HMGB3: variants seen among roughly 807,000 people sequenced by gnomAD.
HMGB3 encodes high mobility group box 3.
In HMGB3, 1 loss-of-function variant was observed where a neutral mutation model predicts 12.9. The ratio of observed to expected loss-of-function variants is 0.08; its 90% CI spans 0.03 to 0.37. The LOEUF (loss-of-function observed/expected upper bound fraction) is 0.37. Among genes scored for constraint, HMGB3 ranks in the 10% least tolerant of loss-of-function variants. HMGB3 has a pLI of 0.99. For synonymous variants in HMGB3, 61 were observed against 53.9 expected (o/e 1.13, Z -0.57); for missense variants, 74 against 153.3 (o/e 0.48, Z 2.73).
At chrX:150,985,534 C>T in intron 1 of HMGB3, 61 bp from the exon 2 acceptor site, 2 of 988,622 alleles carry the variant, frequency 2.0e-6, no homozygotes, top group Non-Finnish European at 2.7e-6. Context: ...ACGTCTTGTA[C>T]TTCTTGTCAA....
At chrX:150,984,538 G>GC in intron 1 of HMGB3, 1 of 682,933 alleles carries the variant, frequency 1.5e-6, no homozygotes, top group South Asian at 7.5e-5. Flanking sequence ...CACCGCCGCC[G>GC]CCCCCGGCCC....
intron 4 of HMGB3, 93 bp downstream of exon 4, chrX:150,987,395 A>G: frequency 1.3e-6 from 1 of 766,465 alleles, no homozygotes; most frequent in South Asian, 3.1e-5. Flanking sequence ...TGGGCTGAGT[A>G]CTTAGCATAG....
At chrX:150,987,387 G>T in intron 4 of HMGB3, 85 bp downstream of exon 4, 2 of 825,382 alleles carry the variant, frequency 2.4e-6, no homozygotes, top group Non-Finnish European at 3.4e-6. Flanking sequence ...AGCTTTGCTG[G>T]GCTGAGTACT....
intron 1 of HMGB3, among the ~76,000 whole-genome samples, chrX:150,983,792 C>T (rs1240347011): frequency 2.8e-5 from 3 of 106,146 alleles, no homozygotes; most frequent in Non-Finnish European, 5.9e-5. Flanking sequence ...GCGGCGGCAG[C>T]GGGAAGGGGG....
chrX:150,981,162 G>A (rs2047990434), upstream of HMGB3, among the ~76,000 whole-genome samples: 1 of 110,019 alleles, frequency 9.1e-6, no homozygotes, highest in South Asian at 3.9e-4. Context: ...GAGCAGGGAG[G>A]GGCTGTCTGT....
chrX:150,983,600 A>G, intron 1 of HMGB3: 1 of 750,949 alleles, frequency 1.3e-6, no homozygotes. Flanking sequence ...AGGTGTTTCA[A>G]CTTTTCCAAC....
At chrX:150,982,273 C>T (rs1413955389), upstream of HMGB3, among the ~76,000 whole-genome samples, 1 of 111,633 alleles carries the variant, frequency 9.0e-6, no homozygotes, top group African/African-American at 3.3e-5. Context: ...CCAGCAACAC[C>T]TGCCAGTCAT....
chrX:150,986,338 G>A, intron 3 of HMGB3, 148 bp downstream of exon 3: 1 of 433,485 alleles, frequency 2.3e-6, no homozygotes, highest in Non-Finnish European at 3.7e-6. Context: ...AAACCATTCT[G>A]TACTTGGGCT....
chrX:150,985,459 T>TA, intron 1 of HMGB3, 136 bp from the exon 2 acceptor site: 1 of 399,292 alleles, frequency 2.5e-6, no homozygotes, highest in Non-Finnish European at 4.2e-6. Flanking sequence ...GCCACTGGTG[T>TA]CCGGCATTGG....
chrX:150,981,645 A>G (rs2047993415), upstream of HMGB3, among the ~76,000 whole-genome samples: 1 of 109,885 alleles, frequency 9.1e-6, no homozygotes, highest in Non-Finnish European at 1.9e-5. Flanking sequence ...TTTAGTAGAG[A>G]CGGGGCTTCA....
At position 150,983,396 on chromosome X, in the gene HMGB3, C is replaced by T. The variant is rs1374139653; in HGVS notation, c.-6+20C>T. 8.2e-6 allele frequency: 6 copies of T among 735,293 alleles called. No individual in the cohort carries two copies. The African/African-American group carries it at 1.6e-4, about 20-fold the overall frequency. The allele number at this position is 735,293 out of a possible 1,213,427, so 60.6% of individuals were successfully genotyped here. On this transcript the variant is annotated intron_variant, in intron 1 of 4. Transcript: ENST00000325307. Reference sequence around the variant, plus strand: ...ATACAGGTACGTCTCGCACCGCCCGCTCCCGCCGCCGCCGCCGCCGCCGCC... The same window carrying T: ...ATACAGGTACGTCTCGCACCGCCCGTTCCCGCCGCCGCCGCCGCCGCCGCC...
rs1157682146 is a variant in HMGB3 at position 150,988,295 on chromosome X, T to C, written c.*381T>C. On this transcript the variant is annotated 3_prime_UTR_variant, in exon 5 of 5. Transcript: ENST00000325307. Reference sequence around the variant, plus strand: ...GTTATTGGCTAGAAATCCTGAGTTTTCAACTGTATATATCTATAGTTTGTA... The same window carrying C: ...GTTATTGGCTAGAAATCCTGAGTTTCCAACTGTATATATCTATAGTTTGTA... The C allele has an allele frequency of 7.5e-6, 1 of 133,474 alleles. No homozygotes were observed. Among genetic ancestry groups the C allele is most frequent in the Non-Finnish European group, 1.5e-5 (1 of 66,234 alleles). The allele number at this position is 133,474 out of a possible 1,213,427, so 11.0% of individuals were successfully genotyped here.
chrX:150,986,848 T>C (rs2048058690), intron 3 of HMGB3, among the ~76,000 whole-genome samples: 1 of 111,291 alleles, frequency 9.0e-6, no homozygotes, highest in Admixed American at 9.6e-5. Flanking sequence ...GGTTTCTCCA[T>C]GTTGGTCAGG....
At position 150,988,982 on chromosome X, in the gene HMGB3, G is replaced by A. The variant is rs1437431791; in HGVS notation, c.*1068G>A. 1 of 111,492 alleles carries A rather than the reference G, an allele frequency of 9.0e-6. No homozygotes were observed. The highest frequency in any genetic ancestry group is 3.3e-5 in the African/African-American group (1 of 30,610). The allele number at this position is 111,492 out of a possible 1,213,427, so 9.2% of individuals were successfully genotyped here. ...TGGCATTCAGATGAAGTCTGGAGGA[G>A]TTAGGAGAACGACATAGGCAAGGTT... On this transcript the variant is annotated 3_prime_UTR_variant, in exon 5 of 5. Coordinates refer to ENST00000325307, the MANE Select transcript of HMGB3 (RefSeq NM_005342.4).
Position 150,990,230 on chromosome X carries a change from G to A in HMGB3, c.*2316G>A, listed in dbSNP as rs1603340338. On this transcript the variant is annotated 3_prime_UTR_variant, in exon 5 of 5. Coordinates refer to ENST00000325307, the MANE Select transcript of HMGB3 (RefSeq NM_005342.4). Reference sequence around the variant, plus strand: ...TCTCATAACTAGATGTACCAACCAGGGAAGGGCCAAGGATGGAAAGGGGTA... The same window carrying A: ...TCTCATAACTAGATGTACCAACCAGAGAAGGGCCAAGGATGGAAAGGGGTA... The A allele has an allele frequency of 8.9e-6, 1 of 112,203 alleles. No individual in the cohort carries two copies. Among genetic ancestry groups the A allele is most frequent in the Non-Finnish European group, 1.9e-5 (1 of 53,272 alleles). The allele number at this position is 112,203 out of a possible 1,213,427, so 9.2% of individuals were successfully genotyped here. A position where few individuals can be genotyped will look rare whatever the true frequency, so the allele number is the denominator to read the frequency against.
At position 150,988,082 on chromosome X, in the gene HMGB3, C is replaced by G; in HGVS notation, c.*168C>G. ...TGCTCTAGAAATTGTCAGTGGTTTA[C>G]ATGAAGTGGCCATGGGTGTCTGGAG... On this transcript the variant is annotated 3_prime_UTR_variant, in exon 5 of 5. Transcript: ENST00000325307. 1.7e-6 allele frequency: 1 copy of G among 602,016 alleles called. No individual in the cohort carries two copies. The highest frequency in any genetic ancestry group is 2.5e-6 in the Non-Finnish European group (1 of 396,729). 49.6% of individuals were successfully genotyped at this position (602,016 alleles called of 1,213,427 possible).
At chrX:150,984,590 C>G in intron 1 of HMGB3, 1 of 748,672 alleles carries the variant, frequency 1.3e-6, no homozygotes, top group Non-Finnish European at 1.6e-6. Flanking sequence ...TTCAGGGGCA[C>G]TTTCTTTCAT....
chrX:150,986,362 C>T lies in HMGB3; in HGVS notation c.290+172C>T, dbSNP rs192623807. 2.7e-5 allele frequency among the ~76,000 whole-genome samples: 3 copies of T among 109,688 alleles called. No homozygotes were observed. The East Asian group carries it at 8.6e-4, about 32-fold the overall frequency. ...TGTACTTGGGCTTTACGATGCAGTG[C>T]CAGCGTTGTCTGTGGTTAAGGCTGA... On this transcript the variant is annotated intron_variant, in intron 3 of 4. Transcript: ENST00000325307.
At chrX:150,981,416 G>A (rs1386964632), upstream of HMGB3, among the ~76,000 whole-genome samples, 2 of 107,485 alleles carry the variant, frequency 1.9e-5, no homozygotes, top group East Asian at 5.9e-4. Flanking sequence ...TCTGTAGTGG[G>A]GACCTGGGTT....
Sources: allele counts gnomAD v4.1 joint callset (sites outside exome capture counted in the v4.1 genomes callset), GRCh38; gene constraint gnomAD v4.1.1; transcripts MANE v1.5; gene names NCBI Gene and HGNC (gene_info 2026-07-23, HGNC 2026-07-21).